Variants in FXR2 observed in about 807,000 individuals in gnomAD.
The protein encoded by FXR2 is RNA-binding protein FXR2.
Under a neutral mutation model 87.3 loss-of-function variants are expected in FXR2, and 9 were observed. That is an observed-to-expected ratio of 0.10 (90% CI 0.06 to 0.18). The LOEUF is 0.18. FXR2 is among the 10% of genes least tolerant of loss of function. The pLI is 1.00. For synonymous variants in FXR2, 331 were observed against 328.3 expected, an observed-to-expected ratio of 1.01 and a Z score of -0.09; for missense variants, 661 against 893.6, an observed-to-expected ratio of 0.74 and a Z score of 3.32.
At chr17:7,611,385 C>T (rs756631709) in intron 1 of FXR2, among the ~76,000 whole-genome samples, 1 of 152,080 alleles carries the variant, frequency 6.6e-6, no homozygotes, top group African/African-American at 2.4e-5. Context: ...AGAAAACTGA[C>T]GGGAGGGCGT....
In FXR2 at chr17:7,603,037, CAG is replaced by C. The variant is rs755008595; in HGVS notation, c.450-37_450-36del. 95 of 1,044,840 alleles carry C rather than the reference CAG, an allele frequency of 9.1e-5. No individual in the cohort carries two copies. In the African/African-American group the frequency reaches 1.3e-3, roughly 15 times the overall value. The allele number at this position is 1,044,840 out of a possible 1,614,324, so 64.7% of individuals were successfully genotyped here. A position where few individuals can be genotyped will look rare whatever the true frequency, so the allele number is the denominator to read the frequency against. On this transcript the variant is annotated intron_variant, in intron 5 of 16. Coordinates refer to ENST00000250113, the MANE Select transcript of FXR2 (RefSeq NM_004860.4). The stretch of plus-strand genomic sequence containing the variant: ...AAAAAAGTACTCAGCGGGCAGAATG[CAG>C]AGAGTACAGTGAAGAGTTCGGGGGA...
chr17:7,601,385 GA>G, intron 7 of FXR2, 23 bp downstream of exon 7: 1 of 1,235,908 alleles, frequency 8.1e-7, no homozygotes, highest in Non-Finnish European at 1.2e-6. Context: ...CCCTTCAGCA[GA>G]AGGAAAAGGA....
rs761260225 is a variant in FXR2, at chr17:7,603,843, T to C, written c.363A>G (p.Arg121=). ...ATYNEIVTLE[R]LRPVNPNPLA... is the part of the protein sequence containing the mutation. ...GGGGATTGGGATTAACTGGCCGAAG[T>C]CGCTCCAGGGTAACAATTTCATTGT... The change falls in exon 5 of 17, where the codon CGA becomes CGG. Residue 121 remains arginine (R), a synonymous_variant. Transcript: ENST00000250113. 7.4e-6 allele frequency: 12 copies of C among 1,613,900 alleles called. No individual in the cohort carries two copies. The highest frequency in any genetic ancestry group is 6.7e-5 in the Admixed American group (4 of 59,990).
Position 7,612,996 on chromosome 17 carries a change from C to CAAA in FXR2, c.81+1453_81+1455dup, listed in dbSNP as rs34323537. Among the ~76,000 whole-genome samples the CAAA allele has an allele frequency of 6.7e-4, 33 of 49,562 alleles. 4 individuals carry two copies. The South Asian group carries it at 7.0e-3, about 11-fold the overall frequency. The allele number at this position is 49,562 out of a possible 152,430, so 32.5% of individuals were successfully genotyped here. A position where few individuals can be genotyped will look rare whatever the true frequency, so the allele number is the denominator to read the frequency against. ...TGGGCAACAGGGCGAGACTCCATCT[C>CAAA]AAAAAAAAAAAAAAAAAAAAAAAAA... On this transcript the variant is annotated intron_variant, in intron 1 of 16. Coordinates refer to ENST00000250113, the MANE Select transcript of FXR2 (RefSeq NM_004860.4).
At chr17:7,605,261 G>A (rs1325153905) in intron 3 of FXR2, among the ~76,000 whole-genome samples, 3 of 152,032 alleles carry the variant, frequency 2.0e-5, no homozygotes, top group African/African-American at 7.2e-5. Context: ...CCAGCTACTT[G>A]GGAGGCTGAG....
chr17:7,614,311 G>T (rs988432536), intron 1 of FXR2, 141 bp downstream of exon 1: 3 of 693,284 alleles, frequency 4.3e-6, no homozygotes, highest in Non-Finnish European at 7.4e-6. Context: ...GTCTCCCAGG[G>T]AAGGCTGCGG....
In FXR2 at chr17:7,609,376, T is replaced by C. The variant is rs184057799; in HGVS notation, c.82-3227A>G. ...GCCACCTTTCTCGTCTTTAGGGATA[T>C]GTCTTGCTATAGAGGCTGCAGTCAG... On this transcript the variant is annotated intron_variant, in intron 1 of 16. Transcript: ENST00000250113. Among the ~76,000 whole-genome samples, 11 of 152,272 alleles carry C rather than the reference T, an allele frequency of 7.2e-5. No individual in the cohort carries two copies. The Middle Eastern group carries it at 0.01, about 141-fold the overall frequency.
At chr17:7,596,104 C>G (rs979316836) in intron 7 of FXR2, 110 bp from the exon 8 acceptor site, 1 of 852,306 alleles carries the variant, frequency 1.2e-6, no homozygotes, top group Admixed American at 2.2e-5. Flanking sequence ...TAATAGAAAG[C>G]TAGAACCACT....
At position 7,593,056 on chromosome 17, in the gene FXR2, C is replaced by T. The variant is rs770909127; in HGVS notation, c.1456G>A (p.Gly486Arg). Residue 486 changes from glycine to arginine, a missense_variant, in exon 13 of 17, where the codon GGG becomes AGG. By Grantham distance (125) the Gly-to-Arg change is moderately radical (BLOSUM62 -2). Coordinates refer to ENST00000250113, the MANE Select transcript of FXR2 (RefSeq NM_004860.4). The surrounding 1 kb of genome is among the most constrained non-coding windows in gnomAD (Gnocchi z 6.1). ...RGEESRRRPT[G>R]GRGRGPPPAP... ...GGTGGGGGTCCCCTACCCCGGCCCCCAGTCGGCCGCCTCCGGCTTTCTTCC... is the reference window on the plus strand; with the variant it reads ...GGTGGGGGTCCCCTACCCCGGCCCCTAGTCGGCCGCCTCCGGCTTTCTTCC... 5 of 1,585,194 alleles carry T rather than the reference C, an allele frequency of 3.2e-6. No homozygotes were observed. The highest frequency in any genetic ancestry group is 1.9e-5 in the Admixed American group (1 of 52,924).
chr17:7,603,064 A>T (rs2071772304), intron 5 of FXR2, 62 bp from the exon 6 acceptor site: 1 of 812,024 alleles, frequency 1.2e-6, no homozygotes, highest in Non-Finnish European at 2.1e-6. Context: ...AGTTCGGGGG[A>T]GGCTGGACAT....
At chr17:7,601,560 G>A (rs754570284) in intron 6 of FXR2, 35 bp from the exon 7 acceptor site, 15 of 1,280,422 alleles carry the variant, frequency 1.2e-5, no homozygotes, top group Non-Finnish European at 1.7e-5. Flanking sequence ...CATTAAAACT[G>A]GCTTGGAATA....
chr17:7,607,800 T>G (rs1229204089), intron 1 of FXR2, among the ~76,000 whole-genome samples: 1 of 152,132 alleles, frequency 6.6e-6, no homozygotes, highest in Non-Finnish European at 1.5e-5. Context: ...TTTAAATTCT[T>G]ATTTATTTTT....
At chr17:7,604,262 A>C (rs1401338859) in intron 3 of FXR2, among the ~76,000 whole-genome samples, 182 bp from the exon 4 acceptor site, 1 of 151,730 alleles carries the variant, frequency 6.6e-6, no homozygotes, top group African/African-American at 2.4e-5. Flanking sequence ...ACAATAGAAC[A>C]ACCATTAAGA....
Position 7,593,984 on chromosome 17 carries a change from A to G in FXR2, c.1041T>C (p.Phe347=). ...PREEGMVPFI[F]VGTRENISNA... is the part of the protein sequence containing the mutation. ...TGCTGATGTTCTCTCGGGTGCCAAC[A>G]AAAATGAAGGGAACCATTCCCTAGA... The change falls in exon 11 of 17, where the codon TTT becomes TTC. Residue 347 remains phenylalanine, a synonymous_variant. Transcript: ENST00000250113. This position sits in a 1 kb window ranked among gnomAD's most constrained non-coding sequence, Gnocchi z 6.1. The G allele has an allele frequency of 1.9e-6, 3 of 1,607,124 alleles. No individual in the cohort carries two copies. The highest frequency in any genetic ancestry group is 2.6e-6 in the Non-Finnish European group (3 of 1,173,618).
chr17:7,607,105 G>C (rs906930025), intron 1 of FXR2, among the ~76,000 whole-genome samples: 4 of 152,230 alleles, frequency 2.6e-5, no homozygotes, highest in Non-Finnish European at 5.9e-5. Context: ...GATCACCTGA[G>C]GTCAGGAGTT....
At position 7,594,780 on chromosome 17, in the gene FXR2, T is replaced by C. The variant is rs1348573857; in HGVS notation, c.832-23A>G. On this transcript the variant is annotated intron_variant, in intron 8 of 16. Coordinates refer to ENST00000250113, the MANE Select transcript of FXR2 (RefSeq NM_004860.4). This position sits in a 1 kb window ranked among gnomAD's most constrained non-coding sequence, Gnocchi z 5.1. ...AGTCTAAAGGAAGAACAGCAGGGAGTTGTTACTAAAACAGAAGACCAGCTG... is the reference window on the plus strand; with the variant it reads ...AGTCTAAAGGAAGAACAGCAGGGAGCTGTTACTAAAACAGAAGACCAGCTG... 2 of 1,495,944 alleles carry C rather than the reference T, an allele frequency of 1.3e-6. No individual in the cohort carries two copies. Among genetic ancestry groups the C allele is most frequent in the Non-Finnish European group, 9.3e-7 (1 of 1,072,676 alleles). 92.7% of individuals were successfully genotyped at this position (1,495,944 alleles called of 1,614,324 possible).
At position 7,591,507 on chromosome 17, in the gene FXR2, T is replaced by C; in HGVS notation, c.*323A>G. ...CCCTGAACGGTCAAATCTGGGTGGG[T>C]CGAGGAGCACCCCCCACCAACAGGT... On this transcript the variant is annotated 3_prime_UTR_variant, in exon 17 of 17. Coordinates refer to ENST00000250113, the MANE Select transcript of FXR2 (RefSeq NM_004860.4). The surrounding 1 kb of genome is among the most constrained non-coding windows in gnomAD (Gnocchi z 4.0). 1 of 326,028 alleles carries C rather than the reference T, an allele frequency of 3.1e-6. No individual in the cohort carries two copies. Among genetic ancestry groups the C allele is most frequent in the Non-Finnish European group, 5.9e-6 (1 of 169,426 alleles). 20.2% of individuals were successfully genotyped at this position (326,028 alleles called of 1,614,324 possible).
At position 7,613,808 on chromosome 17, in the gene FXR2, G is replaced by C. The variant is rs994828670; in HGVS notation, c.81+644C>G. The C allele has an allele frequency of 2.3e-5, 8 of 347,538 alleles. No homozygotes were observed. In the Admixed American group the frequency reaches 3.0e-4, roughly 13 times the overall value. The allele number at this position is 347,538 out of a possible 1,614,324, so 21.5% of individuals were successfully genotyped here. A position where few individuals can be genotyped will look rare whatever the true frequency, so the allele number is the denominator to read the frequency against. On this transcript the variant is annotated intron_variant, in intron 1 of 16. Transcript: ENST00000250113. ...GGTCTTGAGATCAAGGTGTGGTGGG[G>C]AGAGAGACTTGCGAAAGATGCCACC...
In FXR2 at chr17:7,592,810, G is replaced by A. The variant is rs766368865; in HGVS notation, c.1613C>T (p.Pro538Leu). 6 of 1,613,226 alleles carry A rather than the reference G, an allele frequency of 3.7e-6. No homozygotes were observed. The South Asian group carries it at 5.5e-5, about 15-fold the overall frequency. Residue 538 changes from proline to leucine, a missense_variant, in exon 14 of 17, where the codon CCC (proline) becomes CTC (leucine). Around this residue, in one of 3 missense-constraint regions of FXR2, gnomAD observed 409 missense variants for 432.0 expected, o/e 0.95. Transcript: ENST00000250113. The surrounding 1 kb of genome is among the most constrained non-coding windows in gnomAD (Gnocchi z 4.8). ...GCGGCGCCTGGCACTTGCTGGGGGG[G>A]GTTCCCCAGGTTCTGAATCAACCGG... ...EPPVDSEPGE[P>L]PPASARRRRS... is the part of the protein sequence containing the mutation.
Sources: gnomAD v4.1 joint callset for allele counts (sites outside exome capture counted in the v4.1 genomes callset) on GRCh38, gnomAD v4.1.1 for gene constraint, gnomAD v4.1.1 regional missense constraint, Gnocchi (gnomAD v3.1) non-coding constraint, MANE v1.5 for transcripts, NCBI Gene and HGNC (gene_info 2026-07-23, HGNC 2026-07-21) for gene names.